The following KLHL28 variants were observed in gnomAD, a reference collection of about 807,000 sequenced individuals.
KLHL28 encodes the protein kelch-like protein 28.
In KLHL28, 22 loss-of-function variants were observed where a neutral mutation model predicts 48.3. That is an observed-to-expected ratio of 0.46 (90% CI 0.33 to 0.65). KLHL28 has a LOEUF of 0.65. Among genes scored for constraint, KLHL28 ranks in the 30% least tolerant of loss-of-function variants. The pLI, the probability that KLHL28 is intolerant of heterozygous loss-of-function variation, is 0.03. For synonymous variants in KLHL28, 243 were observed against 242.4 expected (o/e 1.00, Z -0.02); for missense variants, 527 against 704.3 (o/e 0.75, Z 2.85).
At chr14:44,932,109 A>C (rs1388985763) in intron 3 of KLHL28, among the ~76,000 whole-genome samples, 2 of 151,350 alleles carry the variant, frequency 1.3e-5, no homozygotes, top group African/African-American at 4.9e-5. Flanking sequence ...TGCAGCCTCA[A>C]ATTCCGGGGC....
At position 44,934,553 on chromosome 14, in the gene KLHL28, T is replaced by C. The variant is rs1883727620; in HGVS notation, c.905A>G (p.Glu302Gly). 6.4e-7 allele frequency: 1 copy of C among 1,562,116 alleles called. No homozygotes were observed. Among genetic ancestry groups the C allele is most frequent in the Non-Finnish European group, 8.6e-7 (1 of 1,157,964 alleles). The change falls in exon 3 of 5, where the codon GAG (glutamate) becomes GGG (glycine). Residue 302 changes from glutamate to glycine, a missense_variant. Transcript: ENST00000396128. ...SGLFACLDSV[E>G]MYFPQNDSWI... ...AGAGTCATTCTGAGGAAAGTACATC[T>C]CCACACTAAAGAATAAGCAGAAAAA...
chr14:44,950,573 C>CAT (rs1884537642), intron 1 of KLHL28, among the ~76,000 whole-genome samples: 1 of 152,100 alleles, frequency 6.6e-6, no homozygotes, highest in Non-Finnish European at 1.5e-5. Context: ...TACACACATG[C>CAT]ATATATTTGT....
chr14:44,958,879 T>A (rs1237831127), intron 1 of KLHL28, among the ~76,000 whole-genome samples: 1 of 152,022 alleles, frequency 6.6e-6, no homozygotes, highest in Non-Finnish European at 1.5e-5. Context: ...CATAATGGCT[T>A]TGGAAGATAA....
chr14:44,930,704 C>A (rs1476638932), intron 4 of KLHL28, among the ~76,000 whole-genome samples: 1 of 152,168 alleles, frequency 6.6e-6, no homozygotes, highest in African/African-American at 2.4e-5. Flanking sequence ...AAATCCAAAA[C>A]CTGAAACACT....
chr14:44,937,570 G>C (rs1441358598), intron 2 of KLHL28, among the ~76,000 whole-genome samples: 3 of 152,164 alleles, frequency 2.0e-5, no homozygotes. Context: ...GTAAGTTATG[G>C]ATTTCTGGAG....
chr14:44,959,557 G>A (rs1388502611), intron 1 of KLHL28: 1 of 151,992 alleles, frequency 6.6e-6, no homozygotes, highest in Admixed American at 6.6e-5. Context: ...ATAGTGATTC[G>A]CCCAGGGAAC....
intron 2 of KLHL28, among the ~76,000 whole-genome samples, chr14:44,944,388 A>G (rs1232438197): frequency 6.6e-6 from 1 of 152,188 alleles, no homozygotes; most frequent in Non-Finnish European, 1.5e-5. Flanking sequence ...AGATGCCACA[A>G]AGATTACATG....
chr14:44,934,867 T>A (rs779727388), intron 2 of KLHL28, among the ~76,000 whole-genome samples: 34 of 152,186 alleles, frequency 2.2e-4, no homozygotes, highest in Non-Finnish European at 4.4e-5. Flanking sequence ...ATATATCTAC[T>A]CTTCTGAATG....
rs1330813794 is a variant in KLHL28, at chr14:44,924,829, T to A, written c.*4199A>T. The A allele has an allele frequency of 6.6e-6, 1 of 152,622 alleles. No homozygotes were observed. The highest frequency in any genetic ancestry group is 1.5e-5 in the Non-Finnish European group (1 of 68,000). The allele number at this position is 152,622 out of a possible 1,614,324, so 9.5% of individuals were successfully genotyped here. On this transcript the variant is annotated 3_prime_UTR_variant, in exon 5 of 5. Coordinates refer to ENST00000396128, the MANE Select transcript of KLHL28 (RefSeq NM_017658.5). Reference sequence around the variant, plus strand: ...ATAAGTTATCTCTAGTAAAGATGTATAATATAAAAGACATATGGATAACAA... The same window carrying A: ...ATAAGTTATCTCTAGTAAAGATGTAAAATATAAAAGACATATGGATAACAA...
chr14:44,939,510 C>T (rs1017491164), intron 2 of KLHL28, among the ~76,000 whole-genome samples: 2 of 152,200 alleles, frequency 1.3e-5, no homozygotes, highest in African/African-American at 2.4e-5. Flanking sequence ...TCTTCCCTCT[C>T]GCACCTTACT....
At chr14:44,932,415 A>C (rs1473318912) in intron 3 of KLHL28, among the ~76,000 whole-genome samples, 1 of 152,122 alleles carries the variant, frequency 6.6e-6, no homozygotes, top group East Asian at 1.9e-4. Flanking sequence ...TGTTTCAGAG[A>C]ACGTGTGGCA....
At chr14:44,944,219 T>C (rs1237243205) in intron 2 of KLHL28, among the ~76,000 whole-genome samples, 5 of 152,178 alleles carry the variant, frequency 3.3e-5, no homozygotes, top group Non-Finnish European at 7.3e-5. Flanking sequence ...TAAAAGTTAC[T>C]AGTATAATGC....
At chr14:44,941,143 T>A (rs987806188) in intron 2 of KLHL28, among the ~76,000 whole-genome samples, 4 of 151,846 alleles carry the variant, frequency 2.6e-5, no homozygotes, top group Non-Finnish European at 4.4e-5. Flanking sequence ...AAAAAACTCA[T>A]GTCTCTCTCT....
intron 4 of KLHL28, 60 bp from the exon 5 acceptor site, chr14:44,929,251 C>T: frequency 7.3e-7 from 1 of 1,365,174 alleles, no homozygotes; most frequent in Non-Finnish European, 1.0e-6. Context: ...TACTTTTTCT[C>T]ACTAAAAATA....
chr14:44,952,146 C>A (rs1884612594), intron 1 of KLHL28, among the ~76,000 whole-genome samples: 2 of 152,170 alleles, frequency 1.3e-5, no homozygotes, highest in Admixed American at 1.3e-4. Context: ...AGGTGTGAGC[C>A]ACTGAGCATG....
intron 1 of KLHL28, among the ~76,000 whole-genome samples, chr14:44,957,881 T>G (rs1248904606): frequency 1.3e-5 from 2 of 152,086 alleles, no homozygotes; most frequent in Admixed American, 1.3e-4. Context: ...ATTAAAAATG[T>G]GCAGAATGGA....
chr14:44,959,022 A>T (rs1393632648), intron 1 of KLHL28, among the ~76,000 whole-genome samples: 2 of 152,010 alleles, frequency 1.3e-5, no homozygotes, highest in Admixed American at 1.3e-4. Flanking sequence ...TTTGAATAGA[A>T]ATCCAAAAAG....
In KLHL28 at chr14:44,951,879, G is replaced by T. The variant is rs1266806466; in HGVS notation, c.1-5951C>A. Among the ~76,000 whole-genome samples, 3 of 152,032 alleles carry T rather than the reference G, an allele frequency of 2.0e-5. No individual in the cohort carries two copies. In the South Asian group the frequency reaches 6.2e-4, roughly 32 times the overall value. On this transcript the variant is annotated intron_variant, in intron 1 of 4. Transcript: ENST00000396128. ...GTTTTTGTTTTTGTTTTTCAGACAGGTTCTCATTCCTGTTGCCCTGGCCAG... is the reference window on the plus strand; with the variant it reads ...GTTTTTGTTTTTGTTTTTCAGACAGTTTCTCATTCCTGTTGCCCTGGCCAG...
In KLHL28 at chr14:44,945,442, T is replaced by C. The variant is rs1258118171; in HGVS notation, c.487A>G (p.Asn163Asp). 1.2e-6 allele frequency: 2 copies of C among 1,614,082 alleles called. No homozygotes were observed. The highest frequency in any genetic ancestry group is 1.7e-6 in the Non-Finnish European group (2 of 1,180,026). ...TCAGTCTGGCAAACAGCTTCAAAAT[T>C]CTGGCATATGTATTTAGTGGCTGCC... Reference protein sequence around the residue: ...YLAATKYICQNFEAVCQTEEF... With the variant: ...YLAATKYICQDFEAVCQTEEF... Residue 163 changes from asparagine to aspartate, a missense_variant, in exon 2 of 5, where the codon AAT (asparagine) becomes GAT (aspartate). Physicochemically the swap from Asn to Asp is conservative, Grantham distance 23. Transcript: ENST00000396128.
Sources: allele counts gnomAD v4.1 joint callset (sites outside exome capture counted in the v4.1 genomes callset), GRCh38; gene constraint gnomAD v4.1.1; transcripts MANE v1.5; gene names NCBI Gene and HGNC (gene_info 2026-07-23, HGNC 2026-07-21).